LMX1B: variants seen among roughly 807,000 people sequenced by gnomAD.
LMX1B encodes LIM homeobox transcription factor 1-beta.
LMX1B carries 12 observed loss-of-function variants against 51.4 expected under a neutral mutation model. The observed-to-expected ratio is 0.23, with a 90% CI of 0.15 to 0.38. The LOEUF is 0.38. LMX1B is among the 10% of genes least tolerant of loss of function. LMX1B has a pLI of 1.00. For missense variants in LMX1B, 445 were observed against 571.1 expected, an observed-to-expected ratio of 0.78 and a Z score of 2.25; for synonymous variants, 237 against 235.4, an observed-to-expected ratio of 1.01 and a Z score of -0.06.
rs1344251864 is a variant in LMX1B at position 126,693,783 on chromosome 9, A to G, written c.857A>G (p.Glu286Gly). 6.8e-6 allele frequency: 10 copies of G among 1,466,640 alleles called. No individual in the cohort carries two copies. Among genetic ancestry groups the G allele is most frequent in the Non-Finnish European group, 8.4e-6 (9 of 1,077,030 alleles). 90.9% of individuals were successfully genotyped at this position (1,466,640 alleles called of 1,614,324 possible). ...KLARRHQQQQEQQNSQRLGQE... is the reference protein window; with the variant it reads ...KLARRHQQQQGQQNSQRLGQE... ...GCGCGGCGGCACCAGCAGCAGCAGG[A>G]GCAGCAGAACTCCCAGCGGCTGGGC... is the stretch of plus-strand genomic sequence containing the variant. Residue 286 changes from glutamate (E) to glycine (G), a missense_variant, in exon 6 of 8, where the codon GAG becomes GGG. Transcript: ENST00000373474.
At chr9:126,676,582 A>G (rs4837105) in intron 2 of LMX1B, among the ~76,000 whole-genome samples, 150,360 of 152,372 alleles carry the variant, frequency 0.99, 74,193 homozygotes, top group East Asian at 1. Flanking sequence ...CAAGTAGAGC[A>G]TGGACAAGGT....
rs1340036890 is a variant in LMX1B, at chr9:126,696,730, C to T, written c.*279C>T. The T allele has an allele frequency of 1.1e-5, 6 of 538,244 alleles. No individual in the cohort carries two copies. Among genetic ancestry groups the T allele is most frequent in the Admixed American group, 3.3e-5 (1 of 30,532 alleles). The allele number at this position is 538,244 out of a possible 1,614,324, so 33.3% of individuals were successfully genotyped here. A position where few individuals can be genotyped will look rare whatever the true frequency, so the allele number is the denominator to read the frequency against. ...GGCCACTCGCCTCCCAGCCCCACCT[C>T]GGCCTCCATCGCCTCCTCCCCATCT... On this transcript the variant is annotated 3_prime_UTR_variant, in exon 8 of 8. Coordinates refer to ENST00000373474, the MANE Select transcript of LMX1B (RefSeq NM_001174147.2).
chr9:126,682,534 C>T (rs1029957123), intron 2 of LMX1B, among the ~76,000 whole-genome samples: 2 of 152,192 alleles, frequency 1.3e-5, no homozygotes, highest in Admixed American at 1.3e-4. Context: ...TTGGGAGGGG[C>T]TGTCTCTCTT....
intron 2 of LMX1B, among the ~76,000 whole-genome samples, chr9:126,649,584 G>A (rs1213831431): frequency 6.6e-6 from 1 of 152,234 alleles, no homozygotes; most frequent in Non-Finnish European, 1.5e-5. Flanking sequence ...AGGTGATGCT[G>A]AGGCCACTGA....
intron 2 of LMX1B, among the ~76,000 whole-genome samples, chr9:126,687,126 C>T (rs1588302957): frequency 6.6e-6 from 1 of 152,288 alleles, no homozygotes; most frequent in Middle Eastern, 3.4e-3. Context: ...TGTGGGGTAC[C>T]TGGAGTACCT....
intron 2 of LMX1B, among the ~76,000 whole-genome samples, chr9:126,638,875 C>T (rs1037812926): frequency 1.3e-5 from 2 of 152,336 alleles, no homozygotes; most frequent in South Asian, 2.1e-4. Flanking sequence ...CTCCCCAGGA[C>T]GGGCGGAGGT....
Position 126,615,379 on chromosome 9 carries a change from A to G in LMX1B, c.140-4A>G, listed in dbSNP as rs368126014. 1.0e-3 allele frequency: 1,663 copies of G among 1,588,228 alleles called. 2 individuals carry two copies. Among genetic ancestry groups the G allele is most frequent in the Non-Finnish European group, 1.4e-3 (1,612 of 1,170,844 alleles). On this transcript the variant is annotated splice_region_variant and splice_polypyrimidine_tract_variant and intron_variant, in intron 1 of 7. Coordinates refer to ENST00000373474, the MANE Select transcript of LMX1B (RefSeq NM_001174147.2). The surrounding 1 kb of genome is among the most constrained non-coding windows in gnomAD (Gnocchi z 6.0). Reference sequence around the variant, plus strand: ...CGGCCGGGCTTTCGCCCTGTGCGCTACAGGCTCCGACTGCCCGCATCCCGC... The same window carrying G: ...CGGCCGGGCTTTCGCCCTGTGCGCTGCAGGCTCCGACTGCCCGCATCCCGC...
chr9:126,660,047 G>A (rs1450723677), intron 2 of LMX1B, among the ~76,000 whole-genome samples: 774 of 95,506 alleles, frequency 8.1e-3, no homozygotes, highest in Non-Finnish European at 9.3e-3. Context: ...ACTGGCTTCA[G>A]AGGTTGTCCT....
chr9:126,627,845 C>T (rs111552366), intron 2 of LMX1B, among the ~76,000 whole-genome samples: 42 of 152,268 alleles, frequency 2.8e-4, no homozygotes, highest in African/African-American at 7.2e-4. Flanking sequence ...CCAAGCTGCA[C>T]GCTACCAGGC....
chr9:126,647,397 G>A (rs1467125425), intron 2 of LMX1B, among the ~76,000 whole-genome samples: 1 of 152,116 alleles, frequency 6.6e-6, no homozygotes, highest in Non-Finnish European at 1.5e-5. Flanking sequence ...TTTGGGACAC[G>A]CCGGGACCGT....
At chr9:126,679,518 A>G (rs10987405) in intron 2 of LMX1B, among the ~76,000 whole-genome samples, 49,919 of 151,018 alleles carry the variant, frequency 0.33, 8,623 homozygotes, top group African/African-American at 0.41. Flanking sequence ...GATGGGGGAC[A>G]GGTGGATAGA....
Position 126,695,585 on chromosome 9 carries a change from C to T in LMX1B, c.887-254C>T, listed in dbSNP as rs1388190251. Among the ~76,000 whole-genome samples, 1 of 152,198 alleles carries T rather than the reference C, an allele frequency of 6.6e-6. No homozygotes were observed. Among genetic ancestry groups the T allele is most frequent in the Admixed American group, 6.5e-5 (1 of 15,284 alleles). On this transcript the variant is annotated intron_variant, in intron 6 of 7. Coordinates refer to ENST00000373474, the MANE Select transcript of LMX1B (RefSeq NM_001174147.2). The surrounding 1 kb of genome is among the most constrained non-coding windows in gnomAD (Gnocchi z 5.2). ...TGCCTGTGTGGGGTCTGCCGCCTCC[C>T]TGGATCCCCTGGAGGGGCGGGGTGG...
In LMX1B at chr9:126,625,311, G is replaced by T. The variant is rs1034206434; in HGVS notation, c.326+9742G>T. Reference sequence around the variant, plus strand: ...TTTTGCGGGTGCCTTAATTGGCAGCGTCTGGAAAATGGGGACAGTGACCCC... The same window carrying T: ...TTTTGCGGGTGCCTTAATTGGCAGCTTCTGGAAAATGGGGACAGTGACCCC... On this transcript the variant is annotated intron_variant, in intron 2 of 7. Coordinates refer to ENST00000373474, the MANE Select transcript of LMX1B (RefSeq NM_001174147.2). The surrounding 1 kb of genome is among the most constrained non-coding windows in gnomAD (Gnocchi z 5.3). Among the ~76,000 whole-genome samples, 7 of 152,220 alleles carry T rather than the reference G, an allele frequency of 4.6e-5. No individual in the cohort carries two copies. Among genetic ancestry groups the T allele is most frequent in the Non-Finnish European group, 1.0e-4 (7 of 68,050 alleles).
At position 126,696,301 on chromosome 9, in the gene LMX1B, C is replaced by T. The variant is rs148940265; in HGVS notation, c.1059C>T (p.Asp353=). The T allele has an allele frequency of 8.9e-5, 143 of 1,614,060 alleles. No individual in the cohort carries two copies. In the African/African-American group the frequency reaches 1.7e-3, roughly 19 times the overall value. ...PGDHMNPYGN[D]SIFHDIDSDT... is the part of the protein sequence containing the mutation. The stretch of plus-strand genomic sequence containing the variant: ...ACCCCTTCTGCCCCCCAGGGAACGA[C>T]TCCATCTTCCATGACATCGACAGCG... The change falls in exon 8 of 8, where the codon GAC becomes GAT. Residue 353 remains aspartate, a synonymous_variant. Transcript: ENST00000373474.
chr9:126,687,661 A>T (rs1168679746), intron 2 of LMX1B, among the ~76,000 whole-genome samples: 1 of 152,262 alleles, frequency 6.6e-6, no homozygotes, highest in Non-Finnish European at 1.5e-5. Flanking sequence ...AACTCGCTAC[A>T]TCTTCATGCT....
chr9:126,691,652 C>T (rs939452904), intron 3 of LMX1B, among the ~76,000 whole-genome samples: 10 of 152,178 alleles, frequency 6.6e-5, no homozygotes, highest in African/African-American at 2.2e-4. Context: ...CCCACCAACC[C>T]GCAGCCCAGC....
At chr9:126,679,636 T>G (rs1836635785) in intron 2 of LMX1B, among the ~76,000 whole-genome samples, 1 of 152,016 alleles carries the variant, frequency 6.6e-6, no homozygotes, top group South Asian at 2.1e-4. Context: ...CGACCTATCC[T>G]CCTTAGCACA....
intron 2 of LMX1B, among the ~76,000 whole-genome samples, chr9:126,628,758 G>A (rs1835579169): frequency 1.3e-5 from 2 of 152,052 alleles, no homozygotes; most frequent in African/African-American, 4.8e-5. Flanking sequence ...AGATTTTTCA[G>A]GCTATCTCTA....
At chr9:126,665,930 C>T (rs528329048) in intron 2 of LMX1B, among the ~76,000 whole-genome samples, 1 of 152,370 alleles carries the variant, frequency 6.6e-6, no homozygotes, top group South Asian at 2.1e-4. Flanking sequence ...CAGAACCCAG[C>T]AGGCAGCATG....
Sources: allele counts gnomAD v4.1 joint callset (sites outside exome capture counted in the v4.1 genomes callset), GRCh38; gene constraint gnomAD v4.1.1; non-coding constraint Gnocchi (gnomAD v3.1); transcripts MANE v1.5; gene names NCBI Gene and HGNC (gene_info 2026-07-23, HGNC 2026-07-21).